CFAP298: variants seen among roughly 807,000 people sequenced by gnomAD.
The protein encoded by CFAP298 is cilia and flagella associated protein 298, also known as cilia- and flagella-associated protein 298.
In CFAP298, 38 loss-of-function variants were observed where a neutral mutation model predicts 41.0. The observed-to-expected ratio is 0.93, with a 90% CI of 0.72 to 1.22. The LOEUF is 1.22. CFAP298 is among the 50% of genes most tolerant of loss of function. The probability of loss-of-function intolerance (pLI) is 0.00; values close to 1 mark genes in which losing one functional copy is unlikely to be tolerated. For synonymous variants in CFAP298, 137 were observed against 135.3 expected (o/e 1.01, Z -0.09); for missense variants, 348 against 360.3 (o/e 0.97, Z 0.28).
At chr21:32,608,452 T>C (rs981719146) in intron 2 of CFAP298, among the ~76,000 whole-genome samples, 9 of 151,514 alleles carry the variant, frequency 5.9e-5, no homozygotes, top group Non-Finnish European at 1.2e-4. Flanking sequence ...AGGTCAGGAG[T>C]TCGAGACCAG....
chr21:32,602,090 A>C (rs1279465031), intron 6 of CFAP298, 117 bp from the exon 7 acceptor site: 1 of 859,094 alleles, frequency 1.2e-6, no homozygotes, highest in East Asian at 2.5e-5. Context: ...TAGGAGCAGG[A>C]TACTGCCATG....
intron 1 of CFAP298, among the ~76,000 whole-genome samples, chr21:32,611,556 G>C (rs2039000516): frequency 6.6e-6 from 1 of 151,808 alleles, no homozygotes; most frequent in African/African-American, 2.4e-5. Flanking sequence ...TCCACCGCCG[G>C]AAAGTTCTGC....
intron 2 of CFAP298, among the ~76,000 whole-genome samples, chr21:32,609,218 T>C (rs888209948): frequency 6.6e-6 from 1 of 152,184 alleles, no homozygotes; most frequent in African/African-American, 2.4e-5. Context: ...CAACTCTGAA[T>C]ACATTGCGGT....
In CFAP298 at chr21:32,611,338, T is replaced by TATATATATATATATATAA. The variant is rs954890218; in HGVS notation, c.139+766_139+767insTTATATATATATATATAT. Among the ~76,000 whole-genome samples, 166 of 132,332 alleles carry TATATATATATATATATAA rather than the reference T, an allele frequency of 1.3e-3. 3 individuals are homozygous for TATATATATATATATATAA. The highest frequency in any genetic ancestry group is 4.8e-3 in the African/African-American group (145 of 30,108). The allele number at this position is 132,332 out of a possible 152,430, so 86.8% of individuals were successfully genotyped here. On this transcript the variant is annotated intron_variant, in intron 1 of 6. Coordinates refer to ENST00000290155, the MANE Select transcript of CFAP298 (RefSeq NM_021254.4). ...CATACCATATATATATATATATATA[T>TATATATATATATATATAA]AATTTATTTATATTTATATATACAT...
chr21:32,601,919 T>A lies in CFAP298; in HGVS notation c.817A>T (p.Thr273Ser), dbSNP rs145897263. 8.7e-5 allele frequency: 140 copies of A among 1,613,570 alleles called. 1 individual carries two copies. The East Asian group carries it at 3.1e-3, about 36-fold the overall frequency. The change falls in exon 7 of 7, where the codon ACT becomes TCT. Residue 273 changes from threonine (T) to serine (S), a missense_variant. Physicochemically the swap from Thr to Ser is moderately conservative, Grantham distance 58 (BLOSUM62 1). Transcript: ENST00000290155. ...AYLNSPWADN[T>S]ALKRHFHGVK... ...CCATGAAAATGTCTTTTCAAAGCAG[T>A]GTTATCCGCCCATGGTGAGTTTAAA...
At chr21:32,611,464 T>A (rs377472903) in intron 1 of CFAP298, among the ~76,000 whole-genome samples, 2 of 151,118 alleles carry the variant, frequency 1.3e-5, no homozygotes, top group East Asian at 1.9e-4. Flanking sequence ...TTCGGTTGCC[T>A]GGCCGCACTA....
rs1201232373 is a variant in CFAP298, at chr21:32,608,242, A to AAAG, written c.308-529_308-527dup. ...TAGAAGCCAAAAAAAAAAAAAAAAA[A>AAAG]AAGAAGAAGATGGAATGCCCAAACC... On this transcript the variant is annotated intron_variant, in intron 2 of 6. Transcript: ENST00000290155. Among the ~76,000 whole-genome samples, 468 of 138,406 alleles carry AAAG rather than the reference A, an allele frequency of 3.4e-3. 26 individuals carry two copies. The highest frequency in any genetic ancestry group is 0.015 in the Middle Eastern group (4 of 268). The allele number at this position is 138,406 out of a possible 152,430, so 90.8% of individuals were successfully genotyped here.
At chr21:32,611,881 G>C (rs1433872577) in intron 1 of CFAP298, among the ~76,000 whole-genome samples, 1 of 152,112 alleles carries the variant, frequency 6.6e-6, no homozygotes, top group East Asian at 1.9e-4. Context: ...CTGGCTCCGA[G>C]AGGCACCTGG....
chr21:32,612,311 C>G lies in CFAP298; in HGVS notation c.-68G>C. ...TGCGTGGCCCGCGGGTCCTGCCGGCCGAGGGTCGCCGGATCGCCAGCAGCT... is the reference window on the plus strand; with the variant it reads ...TGCGTGGCCCGCGGGTCCTGCCGGCGGAGGGTCGCCGGATCGCCAGCAGCT... On this transcript the variant is annotated 5_prime_UTR_variant, in exon 1 of 7. Coordinates refer to ENST00000290155, the MANE Select transcript of CFAP298 (RefSeq NM_021254.4). 1 of 1,479,112 alleles carries G rather than the reference C, an allele frequency of 6.8e-7. No homozygotes were observed. Among genetic ancestry groups the G allele is most frequent in the East Asian group, 2.5e-5 (1 of 39,426 alleles). 91.6% of individuals were successfully genotyped at this position (1,479,112 alleles called of 1,614,324 possible).
chr21:32,602,784 G>A, intron 5 of CFAP298: 1 of 1,337,098 alleles, frequency 7.5e-7, no homozygotes, highest in Non-Finnish European at 9.6e-7. Flanking sequence ...GTCCTTCAAA[G>A]GTCTCGAACC....
intron 2 of CFAP298, among the ~76,000 whole-genome samples, chr21:32,608,516 G>A (rs947065631): frequency 1.3e-5 from 2 of 151,936 alleles, no homozygotes; most frequent in Admixed American, 6.6e-5. Context: ...AATTAGCCGG[G>A]CATGGTAGCA....
At chr21:32,611,613 C>T (rs1483246220) in intron 1 of CFAP298, among the ~76,000 whole-genome samples, 1 of 151,734 alleles carries the variant, frequency 6.6e-6, no homozygotes, top group Non-Finnish European at 1.5e-5. Context: ...GAGACGGCGC[C>T]GCAACGCAAC....
Position 32,607,652 on chromosome 21 carries a change from A to G in CFAP298, c.372T>C (p.Ser124=). The G allele has an allele frequency of 6.4e-7, 1 of 1,556,022 alleles. No homozygotes were observed. The highest frequency in any genetic ancestry group is 2.3e-5 in the East Asian group (1 of 44,376). Residue 124 remains serine (S), a synonymous_variant, in exon 3 of 7, where the codon TCT becomes TCC. Coordinates refer to ENST00000290155, the MANE Select transcript of CFAP298 (RefSeq NM_021254.4). ...TGCATCATTTAAAAAAGCCAACCTT[A>G]GATATTATTGCTTTGGCTTCTTCTA... ...KTIEEAKAII[S]KKQVEAGVCV...
rs2038715817 is a variant in CFAP298, at chr21:32,600,400, C to T, written c.*1463G>A. On this transcript the variant is annotated 3_prime_UTR_variant, in exon 7 of 7. Transcript: ENST00000290155. Reference sequence around the variant, plus strand: ...GCAGGCAGGAACCAAACCCCTGCCACCTCCACTCACTCCCAGGGTTCCTCT... The same window carrying T: ...GCAGGCAGGAACCAAACCCCTGCCATCTCCACTCACTCCCAGGGTTCCTCT... 6.6e-6 allele frequency among the ~76,000 whole-genome samples: 1 copy of T among 152,228 alleles called. No homozygotes were observed. Among genetic ancestry groups the T allele is most frequent in the Non-Finnish European group, 1.5e-5 (1 of 68,034 alleles).
rs903083799 is a variant in CFAP298 at position 32,601,733 on chromosome 21, C to G, written c.*130G>C. 16 of 573,046 alleles carry G rather than the reference C, an allele frequency of 2.8e-5. No homozygotes were observed. The African/African-American group carries it at 3.0e-4, about 11-fold the overall frequency. 35.5% of individuals were successfully genotyped at this position (573,046 alleles called of 1,614,324 possible). ...ATAACTGCTATTTTAAAAATTCACA[C>G]TAAAAGAAAACTAGAAATGTTAACA... On this transcript the variant is annotated 3_prime_UTR_variant, in exon 7 of 7. Coordinates refer to ENST00000290155, the MANE Select transcript of CFAP298 (RefSeq NM_021254.4).
Position 32,612,372 on chromosome 21 carries a change from C to A in CFAP298, c.-129G>T. 1 of 1,425,788 alleles carries A rather than the reference C, an allele frequency of 7.0e-7. No homozygotes were observed. The highest frequency in any genetic ancestry group is 9.1e-7 in the Non-Finnish European group (1 of 1,093,228). The allele number at this position is 1,425,788 out of a possible 1,614,324, so 88.3% of individuals were successfully genotyped here. A position where few individuals can be genotyped will look rare whatever the true frequency, so the allele number is the denominator to read the frequency against. ...AACAGCCGCTCACAGTCCGGAATCCCACGCTCCCTAGCCCGCGGTGAGCGG... is the reference window on the plus strand; with the variant it reads ...AACAGCCGCTCACAGTCCGGAATCCAACGCTCCCTAGCCCGCGGTGAGCGG... On this transcript the variant is annotated 5_prime_UTR_variant, in exon 1 of 7. Transcript: ENST00000290155.
intron 3 of CFAP298, among the ~76,000 whole-genome samples, chr21:32,606,947 C>CA (rs1555883614): frequency 2.0e-5 from 3 of 152,070 alleles, no homozygotes; most frequent in African/African-American, 7.3e-5. Context: ...TACAAAAAAC[C>CA]ATTTATATCA....
chr21:32,606,322 G>A (rs898870385), intron 3 of CFAP298, among the ~76,000 whole-genome samples: 1 of 152,168 alleles, frequency 6.6e-6, no homozygotes, highest in African/African-American at 2.4e-5. Flanking sequence ...ATCTGCAGAG[G>A]GTGGAATTTG....
Position 32,609,834 on chromosome 21 carries a change from T to C in CFAP298, c.307+4A>G. ...ATGCACATAGAAGAGAAATCCTCACTTACCTTGCCCATTCCTTCGTCCAAT... is the reference window on the plus strand; with the variant it reads ...ATGCACATAGAAGAGAAATCCTCACCTACCTTGCCCATTCCTTCGTCCAAT... On this transcript the variant is annotated splice_donor_region_variant and intron_variant, in intron 2 of 6. Transcript: ENST00000290155. 6.2e-7 allele frequency: 1 copy of C among 1,612,474 alleles called. No individual in the cohort carries two copies. The highest frequency in any genetic ancestry group is 8.5e-7 in the Non-Finnish European group (1 of 1,178,938).
Sources: gnomAD v4.1 joint callset for allele counts (sites outside exome capture counted in the v4.1 genomes callset) on GRCh38, gnomAD v4.1.1 for gene constraint, MANE v1.5 for transcripts, NCBI Gene and HGNC (gene_info 2026-07-23, HGNC 2026-07-21) for gene names.